PIK3CB: variants seen among roughly 807,000 people sequenced by gnomAD.
PIK3CB encodes the protein phosphatidylinositol 4,5-bisphosphate 3-kinase catalytic subunit beta isoform.
A neutral mutation model predicts 136.8 loss-of-function variants in PIK3CB; 39 were observed. That is an observed-to-expected ratio of 0.29 (90% CI 0.22 to 0.37). PIK3CB has a LOEUF of 0.37. Ranked by LOEUF, PIK3CB falls within the 10% of genes least tolerant of loss-of-function variation. The pLI is 1.00. For missense variants in PIK3CB, 868 were observed against 1,275.4 expected (o/e 0.68, Z 4.87); for synonymous variants, 428 against 436.6 (o/e 0.98, Z 0.25).
At chr3:138,799,504 A>G (rs1384461926) in intron 1 of PIK3CB, among the ~76,000 whole-genome samples, 1 of 152,124 alleles carries the variant, frequency 6.6e-6, no homozygotes, top group Non-Finnish European at 1.5e-5. Flanking sequence ...CTTGTACAGC[A>G]TAAATCATAT....
At chr3:138,753,420 C>T (rs1358642928) in intron 4 of PIK3CB, among the ~76,000 whole-genome samples, 1 of 152,136 alleles carries the variant, frequency 6.6e-6, no homozygotes, top group Non-Finnish European at 1.5e-5. Context: ...ACTCAGAAGG[C>T]TGAGGCAGGA....
At chr3:138,821,634 A>C (rs1158145411) in intron 1 of PIK3CB, among the ~76,000 whole-genome samples, 3 of 151,804 alleles carry the variant, frequency 2.0e-5, no homozygotes, top group Admixed American at 2.0e-4. Context: ...AAAACACAAA[A>C]ATTAGCTGGG....
intron 8 of PIK3CB, among the ~76,000 whole-genome samples, chr3:138,732,720 G>GAAAAA (rs68137286): frequency 4.6e-4 from 50 of 109,068 alleles, no homozygotes; most frequent in Middle Eastern, 5.0e-3. Flanking sequence ...GGAAAGAAAA[G>GAAAAA]AAAAAAAAAA....
chr3:138,763,024 T>C (rs1166950876), intron 2 of PIK3CB, among the ~76,000 whole-genome samples: 2 of 151,978 alleles, frequency 1.3e-5, no homozygotes, highest in African/African-American at 4.8e-5. Context: ...AATACCACCA[T>C]GCAAAGACAG....
intron 3 of PIK3CB, among the ~76,000 whole-genome samples, chr3:138,757,181 A>G (rs983669351): frequency 3.9e-5 from 6 of 152,142 alleles, no homozygotes; most frequent in African/African-American, 1.4e-4. Flanking sequence ...CATGGTGGGC[A>G]GATCATGAGG....
intron 1 of PIK3CB, among the ~76,000 whole-genome samples, chr3:138,812,834 G>C (rs910171878): frequency 8.5e-5 from 13 of 152,118 alleles, no homozygotes; most frequent in African/African-American, 3.1e-4. Context: ...CAGCCAGAAT[G>C]AGAGACTCTT....
chr3:138,813,576 C>T (rs1388285022), intron 1 of PIK3CB, among the ~76,000 whole-genome samples: 3 of 151,952 alleles, frequency 2.0e-5, no homozygotes, highest in Non-Finnish European at 4.4e-5. Flanking sequence ...CACCACCACA[C>T]CCACCTAATT....
At chr3:138,785,354 C>T (rs972966395) in intron 2 of PIK3CB, among the ~76,000 whole-genome samples, 4 of 152,074 alleles carry the variant, frequency 2.6e-5, no homozygotes, top group Non-Finnish European at 5.9e-5. Flanking sequence ...GCCATGATGA[C>T]GATGGCAGTT....
intron 1 of PIK3CB, among the ~76,000 whole-genome samples, chr3:138,833,412 G>A (rs1321917529): frequency 6.6e-6 from 1 of 152,100 alleles, no homozygotes; most frequent in Non-Finnish European, 1.5e-5. Flanking sequence ...CTGAAACTGG[G>A]TTAAGATCCT....
chr3:138,820,784 G>A (rs756431068), intron 1 of PIK3CB, among the ~76,000 whole-genome samples: 13 of 152,030 alleles, frequency 8.6e-5, no homozygotes, highest in Admixed American at 3.3e-4. Flanking sequence ...ATGAGCCACC[G>A]TGCCTGGTCC....
At chr3:138,736,486 T>A (rs1215946968) in intron 6 of PIK3CB, among the ~76,000 whole-genome samples, 1 of 152,242 alleles carries the variant, frequency 6.6e-6, no homozygotes, top group African/African-American at 2.4e-5. Flanking sequence ...TAAAATTCTG[T>A]AACTACTAAC....
At chr3:138,705,160 A>AAAAAAAAAAAAAAAAAAAAAG (rs2044339474) in intron 11 of PIK3CB, among the ~76,000 whole-genome samples, 1 of 100,286 alleles carries the variant, frequency 1.0e-5, no homozygotes, top group Non-Finnish European at 2.0e-5. Flanking sequence ...AAAGGCAAAA[A>AAAAAAAAAAAAAAAAAAAAAG]AAAAAAAAAA....
intron 1 of PIK3CB, among the ~76,000 whole-genome samples, chr3:138,807,997 C>T (rs77857536): frequency 1.6e-4 from 25 of 151,796 alleles, no homozygotes; most frequent in African/African-American, 5.6e-4. Context: ...TTTAAAAACA[C>T]AATTAAGCAC....
chr3:138,778,704 G>C, intron 2 of PIK3CB: 1 of 215,940 alleles, frequency 4.6e-6, no homozygotes, highest in Non-Finnish European at 9.4e-6. Flanking sequence ...TTCAATGTTG[G>C]AGCTGGTATT....
chr3:138,768,531 C>T (rs970733423), intron 2 of PIK3CB, among the ~76,000 whole-genome samples: 2 of 152,204 alleles, frequency 1.3e-5, no homozygotes, highest in African/African-American at 4.8e-5. Flanking sequence ...GAACTGGCAG[C>T]CTGGTCCCTA....
intron 2 of PIK3CB, among the ~76,000 whole-genome samples, chr3:138,788,498 A>T (rs1245781541): frequency 6.7e-6 from 1 of 149,520 alleles, no homozygotes; most frequent in Admixed American, 6.7e-5. Flanking sequence ...CTCTACTAAA[A>T]ATACAAAAAT....
chr3:138,722,029 G>A lies in PIK3CB; in HGVS notation c.1051-7310C>T, dbSNP rs1279883412. Among the ~76,000 whole-genome samples, 8 of 152,020 alleles carry A rather than the reference G, an allele frequency of 5.3e-5. No individual in the cohort carries two copies. The East Asian group carries it at 1.2e-3, about 22-fold the overall frequency. On this transcript the variant is annotated intron_variant, in intron 8 of 23. Transcript: ENST00000674063. ...TTTCTCTTTGCCTTGTCCACTAGGT[G>A]TAGGGCAAGCAGACAGTCAAATATG...
chr3:138,714,708 C>G lies in PIK3CB; in HGVS notation c.1062G>C (p.Arg354Ser), dbSNP rs1216143406. The change falls in exon 9 of 24, where the codon AGG becomes AGC. Residue 354 changes from arginine to serine, a missense_variant. Transcript: ENST00000674063. ...NTEETVKVHV[R>S]AGLFHGTELL... is the part of the protein sequence containing the mutation. ...GCTCAGTACCATGAAAAAGACCAGC[C>G]CTGACATGAACCTGTAACGAAGCAG... The G allele has an allele frequency of 5.0e-6, 8 of 1,603,492 alleles. No homozygotes were observed. The South Asian group carries it at 9.0e-5, about 18-fold the overall frequency.
intron 11 of PIK3CB, among the ~76,000 whole-genome samples, chr3:138,705,662 T>TA (rs1429321770): frequency 6.6e-6 from 1 of 152,228 alleles, no homozygotes; most frequent in Non-Finnish European, 1.5e-5. Context: ...TAGATTATCT[T>TA]AAGTATTTAT....
Sources: gnomAD v4.1 joint callset for allele counts (sites outside exome capture counted in the v4.1 genomes callset) on GRCh38, gnomAD v4.1.1 for gene constraint, MANE v1.5 for transcripts, NCBI Gene and HGNC (gene_info 2026-07-23, HGNC 2026-07-21) for gene names.